Variants in CFAP410 observed in about 807,000 individuals in gnomAD.
CFAP410 encodes the protein cilia and flagella associated protein 410, also known as cilia- and flagella-associated protein 410.
A neutral mutation model predicts 25.7 loss-of-function variants in CFAP410; 27 were observed. The observed-to-expected ratio is 1.05, with a 90% CI of 0.77 to 1.45. The LOEUF (loss-of-function observed/expected upper bound fraction) is 1.45. CFAP410 is among the 40% of genes most tolerant of loss of function. The probability of loss-of-function intolerance (pLI) is 0.00; values close to 1 mark genes in which losing one functional copy is unlikely to be tolerated. For missense variants in CFAP410, 428 were observed against 354.1 expected (o/e 1.21, Z -1.67); for synonymous variants, 178 against 158.4 (o/e 1.12, Z -0.93).
At chr21:44,331,718 C>T (rs1413509883) in intron 5 of CFAP410, 125 bp downstream of exon 5, 3 of 874,062 alleles carry the variant, frequency 3.4e-6, no homozygotes, top group Non-Finnish European at 3.4e-6. Flanking sequence ...CAGACACTCC[C>T]CCCGGATAAT....
intron 2 of CFAP410, 109 bp from the exon 3 acceptor site, chr21:44,335,913 C>A (rs981893758): frequency 8.5e-6 from 7 of 825,616 alleles, no homozygotes; most frequent in Admixed American, 2.1e-5. Flanking sequence ...ACTTCCGGGG[C>A]CTGAGGGGCA....
At chr21:44,330,352 G>A in intron 6 of CFAP410, 26 bp from the exon 7 acceptor site, 1 of 1,599,994 alleles carries the variant, frequency 6.3e-7, no homozygotes, top group Non-Finnish European at 8.5e-7. Flanking sequence ...TGCGGACTAA[G>A]CCCACCCGGC....
chr21:44,333,786 G>T, intron 3 of CFAP410: 1 of 332,192 alleles, frequency 3.0e-6, no homozygotes, highest in Non-Finnish European at 5.9e-6. Flanking sequence ...GAAACAGCAG[G>T]CCTGGAGCGG....
intron 3 of CFAP410, chr21:44,333,875 C>G (rs2047698928): frequency 2.8e-6 from 1 of 355,466 alleles, no homozygotes; most frequent in Non-Finnish European, 5.6e-6. Flanking sequence ...CGCAGGCCCT[C>G]AAAGGCGCGG....
rs1242430955 is a variant in CFAP410, at chr21:44,329,229, G to A, written c.*969C>T. 1 of 152,290 alleles carries A rather than the reference G, an allele frequency of 6.6e-6. No individual in the cohort carries two copies. The highest frequency in any genetic ancestry group is 1.5e-5 in the Non-Finnish European group (1 of 68,084). The allele number at this position is 152,290 out of a possible 1,614,324, so 9.4% of individuals were successfully genotyped here. A position where few individuals can be genotyped will look rare whatever the true frequency, so the allele number is the denominator to read the frequency against. On this transcript the variant is annotated 3_prime_UTR_variant, in exon 7 of 7. Coordinates refer to ENST00000339818, the MANE Select transcript of CFAP410 (RefSeq NM_004928.3). Reference sequence around the variant, plus strand: ...ATGGCCCCGAGCTTGGGAGAACAGCGGCCTGCACACACGGTCACGCATCAC... The same window carrying A: ...ATGGCCCCGAGCTTGGGAGAACAGCAGCCTGCACACACGGTCACGCATCAC...
rs1005159327 is a variant in CFAP410 at position 44,330,341 on chromosome 21, G to A, written c.643-15C>T. The A allele has an allele frequency of 6.2e-7, 1 of 1,605,826 alleles. No homozygotes were observed. ...GTCAGGACGTTCTGAGGGCAGAGGG[G>A]TGCGGACTAAGCCCACCCGGCACGG... On this transcript the variant is annotated splice_polypyrimidine_tract_variant and intron_variant, in intron 6 of 6. Transcript: ENST00000339818.
At chr21:44,333,983 C>A in intron 3 of CFAP410, 1 of 403,652 alleles carries the variant, frequency 2.5e-6, no homozygotes, top group South Asian at 1.8e-5. Flanking sequence ...GTCCTGAGCC[C>A]CCCTCCCCAT....
In CFAP410 at chr21:44,338,206, G is replaced by A. The variant is rs561826842; in HGVS notation, c.78-539C>T. 19 of 1,121,222 alleles carry A rather than the reference G, an allele frequency of 1.7e-5. No individual in the cohort carries two copies. The African/African-American group carries it at 3.0e-4, about 17-fold the overall frequency. The allele number at this position is 1,121,222 out of a possible 1,614,324, so 69.5% of individuals were successfully genotyped here. A position where few individuals can be genotyped will look rare whatever the true frequency, so the allele number is the denominator to read the frequency against. The stretch of plus-strand genomic sequence containing the variant: ...CAGATATGCCAGGGCAGAGAGAAAA[G>A]CTTTTTAATTAACAGGGAAGAGCTC... On this transcript the variant is annotated intron_variant, in intron 1 of 6. Transcript: ENST00000339818.
chr21:44,335,971 G>T, intron 2 of CFAP410, 167 bp from the exon 3 acceptor site: 7 of 585,466 alleles, frequency 1.2e-5, no homozygotes, highest in Non-Finnish European at 2.2e-5. Context: ...AGGGCCTGAG[G>T]GGAGCGGCCC....
intron 4 of CFAP410, 171 bp from the exon 5 acceptor site, chr21:44,332,185 C>A (rs1602077188): frequency 1.8e-6 from 1 of 564,174 alleles, no homozygotes; most frequent in East Asian, 3.3e-5. Flanking sequence ...TCCTCACTGT[C>A]CCATCCCCAG....
intron 1 of CFAP410, among the ~76,000 whole-genome samples, chr21:44,338,005 G>A (rs56212056): frequency 0.23 from 35,533 of 152,160 alleles, 4,350 homozygotes; most frequent in South Asian, 0.38. Flanking sequence ...CATAAACAAG[G>A]GCGTCTTTAT....
At chr21:44,333,533 G>C (rs536630584) in intron 3 of CFAP410, 3 of 554,438 alleles carry the variant, frequency 5.4e-6, no homozygotes, top group Non-Finnish European at 9.6e-6. Context: ...TCCTCAGGGC[G>C]CTAGAGTGCG....
intron 4 of CFAP410, chr21:44,332,667 G>A (rs146343338): frequency 3.0e-5 from 8 of 267,272 alleles, no homozygotes; most frequent in South Asian, 7.5e-5. Flanking sequence ...GGACCAGTGC[G>A]ATGCTGCTTG....
Position 44,331,968 on chromosome 21 carries a change from C to T in CFAP410, c.420G>A (p.Glu140=). The T allele has an allele frequency of 6.2e-7, 1 of 1,612,952 alleles. No individual in the cohort carries two copies. The highest frequency in any genetic ancestry group is 8.5e-7 in the Non-Finnish European group (1 of 1,179,398). ...ELSRALSEGE[E]ITAAPEREGT... is the part of the protein sequence containing the mutation. Reference sequence around the variant, plus strand: ...CCTCTCTCTCTGGGGCCGCAGTGATCTCCTCTCCCTCACTCAGTGCACGGG... The same window carrying T: ...CCTCTCTCTCTGGGGCCGCAGTGATTTCCTCTCCCTCACTCAGTGCACGGG... The change falls in exon 5 of 7, where the codon GAG becomes GAA. Residue 140 remains glutamate (E), a synonymous_variant. Transcript: ENST00000339818.
chr21:44,333,333 C>T, intron 3 of CFAP410, 71 bp from the exon 4 acceptor site: 1 of 1,271,336 alleles, frequency 7.9e-7, no homozygotes, highest in Non-Finnish European at 1.1e-6. Flanking sequence ...AATCCCCACC[C>T]CCAGTAAAAG....
intron 4 of CFAP410, chr21:44,332,357 C>A: frequency 4.1e-6 from 1 of 241,176 alleles, no homozygotes. Context: ...TATCAATTTC[C>A]CTGAAGTTTA....
chr21:44,333,237 G>A lies in CFAP410; in HGVS notation c.169C>T (p.Pro57Ser), dbSNP rs1337086224. 1.9e-6 allele frequency: 3 copies of A among 1,612,198 alleles called. No individual in the cohort carries two copies. The highest frequency in any genetic ancestry group is 1.7e-6 in the Non-Finnish European group (2 of 1,179,710). Residue 57 changes from proline (P) to serine (S), a missense_variant, in exon 4 of 7, where the codon CCT becomes TCT. Coordinates refer to ENST00000339818, the MANE Select transcript of CFAP410 (RefSeq NM_004928.3). ...CTCAGGCGCTGGCACCGGCTCACAG[G>A]CTCCAGGGTGGAGATGCTGTTGACA... is the stretch of plus-strand genomic sequence containing the variant. Reference protein sequence around the residue: ...LSVNSISTLEPVSRCQRLSEL... With the variant: ...LSVNSISTLESVSRCQRLSEL...
At position 44,335,808 on chromosome 21, in the gene CFAP410, G is replaced by A. The variant is rs939925757; in HGVS notation, c.97-4C>T. 6.3e-6 allele frequency: 10 copies of A among 1,586,360 alleles called. No homozygotes were observed. The highest frequency in any genetic ancestry group is 8.6e-6 in the Non-Finnish European group (10 of 1,164,770). ...GCATCTCCTGGCAAATGGAGATCTA[G>A]GAGGAAAAGAACATGACTAGCAAGC... On this transcript the variant is annotated splice_region_variant and splice_polypyrimidine_tract_variant and intron_variant, in intron 2 of 6. Coordinates refer to ENST00000339818, the MANE Select transcript of CFAP410 (RefSeq NM_004928.3).
chr21:44,330,164 C>A lies in CFAP410; in HGVS notation c.*34G>T, dbSNP rs1044495219. ...GGGGCTGGGGAAGACGCTGGGGTCC[C>A]CGTGGAGGCTGGAGCGGCGTTCAGG... On this transcript the variant is annotated 3_prime_UTR_variant, in exon 7 of 7. Transcript: ENST00000339818. The A allele has an allele frequency of 6.5e-7, 1 of 1,542,420 alleles. No homozygotes were observed. Among genetic ancestry groups the A allele is most frequent in the Middle Eastern group, 2.3e-4 (1 of 4,438 alleles).
Sources: allele counts gnomAD v4.1 joint callset (sites outside exome capture counted in the v4.1 genomes callset), GRCh38; gene constraint gnomAD v4.1.1; transcripts MANE v1.5; gene names NCBI Gene and HGNC (gene_info 2026-07-23, HGNC 2026-07-21).